Variants in E2F3 observed in about 807,000 individuals in gnomAD.
E2F3 encodes E2F transcription factor 3, also known as transcription factor E2F3.
Under a neutral mutation model 44.4 loss-of-function variants are expected in E2F3, and 11 were observed. The ratio of observed to expected loss-of-function variants is 0.25; its 90% CI spans 0.16 to 0.41. The LOEUF is 0.41. E2F3 is among the 10% of genes least tolerant of loss of function. E2F3 has a pLI of 1.00. For missense variants in E2F3, 487 were observed against 583.6 expected (o/e 0.83, Z 1.70); for synonymous variants, 249 against 253.0 (o/e 0.98, Z 0.15).
intron 1 of E2F3, among the ~76,000 whole-genome samples, chr6:20,461,657 C>T (rs929301492): frequency 2.6e-5 from 4 of 151,902 alleles, no homozygotes; most frequent in Admixed American, 1.3e-4. Flanking sequence ...AAAAAGATGC[C>T]GTATACATTC....
chr6:20,404,785 A>C (rs891345739), intron 1 of E2F3, among the ~76,000 whole-genome samples: 3 of 152,178 alleles, frequency 2.0e-5, no homozygotes, highest in African/African-American at 7.2e-5. Context: ...CTGCTTAGAC[A>C]TAGCAGTATC....
intron 1 of E2F3, among the ~76,000 whole-genome samples, chr6:20,456,063 A>G (rs1247417453): frequency 6.6e-6 from 1 of 152,126 alleles, no homozygotes; most frequent in Non-Finnish European, 1.5e-5. Context: ...CTTACCTGTA[A>G]TCTCATAAGT....
chr6:20,413,877 T>G (rs887892287), intron 1 of E2F3, among the ~76,000 whole-genome samples: 43 of 152,166 alleles, frequency 2.8e-4, no homozygotes, highest in African/African-American at 9.9e-4. Context: ...AAGGGCAGAT[T>G]AAGGGAGAAA....
At chr6:20,407,557 G>T (rs1276084318) in intron 1 of E2F3, among the ~76,000 whole-genome samples, 4 of 152,176 alleles carry the variant, frequency 2.6e-5, no homozygotes, top group African/African-American at 7.2e-5. Flanking sequence ...GACAGACGGG[G>T]TGAAAGCTTT....
rs1232149451 is a variant in E2F3, at chr6:20,449,375, C to T, written c.394-30471C>T. 3.3e-5 allele frequency among the ~76,000 whole-genome samples: 5 copies of T among 152,050 alleles called. No individual in the cohort carries two copies. The East Asian group carries it at 9.7e-4, about 29-fold the overall frequency. On this transcript the variant is annotated intron_variant, in intron 1 of 6. Coordinates refer to ENST00000346618, the MANE Select transcript of E2F3 (RefSeq NM_001949.5). ...TAAATTTTTAAATACTTTTATTTTC[C>T]TTCTTAGAAAAGGTGACAACTAGAT...
rs1759360100 is a variant in E2F3 at position 20,402,998 on chromosome 6, G to A, written c.393+373G>A. Among the ~76,000 whole-genome samples, 2 of 152,064 alleles carry A rather than the reference G, an allele frequency of 1.3e-5. No individual in the cohort carries two copies. Among genetic ancestry groups the A allele is most frequent in the South Asian group, 2.1e-4 (1 of 4,830 alleles). On this transcript the variant is annotated intron_variant, in intron 1 of 6. Transcript: ENST00000346618. This position sits in a 1 kb window ranked among gnomAD's most constrained non-coding sequence, Gnocchi z 5.6. The stretch of plus-strand genomic sequence containing the variant: ...AAGGGGTCACGCCCCGGATGGAGAA[G>A]GGGGTGGGGGAGGGAGTAGTGAACT...
intron 1 of E2F3, among the ~76,000 whole-genome samples, chr6:20,449,246 G>C (rs983990314): frequency 6.6e-6 from 1 of 152,078 alleles, no homozygotes; most frequent in African/African-American, 2.4e-5. Context: ...TGAAAATCTT[G>C]CTGTGCAGCC....
At chr6:20,459,740 C>G (rs1362678873) in intron 1 of E2F3, among the ~76,000 whole-genome samples, 1 of 152,214 alleles carries the variant, frequency 6.6e-6, no homozygotes, top group African/African-American at 2.4e-5. Flanking sequence ...TCCAGGAGTT[C>G]GAGACCAGCC....
At chr6:20,462,176 G>T (rs1761532613) in intron 1 of E2F3, among the ~76,000 whole-genome samples, 1 of 152,046 alleles carries the variant, frequency 6.6e-6, no homozygotes, top group Admixed American at 6.5e-5. Flanking sequence ...TTTTACTGTG[G>T]CCTTTTGTTG....
At position 20,493,034 on chromosome 6, in the gene E2F3, A is replaced by G; in HGVS notation, c.*2604A>G. The G allele has an allele frequency of 4.6e-6, 1 of 215,758 alleles. No individual in the cohort carries two copies. Among genetic ancestry groups the G allele is most frequent in the African/African-American group, 2.2e-5 (1 of 44,476 alleles). 13.4% of individuals were successfully genotyped at this position (215,758 alleles called of 1,614,324 possible). On this transcript the variant is annotated 3_prime_UTR_variant, in exon 7 of 7. Transcript: ENST00000346618. Reference sequence around the variant, plus strand: ...AAGGGCAACACATGAGCTGTCAAACAGTGTTAGGAGTGTGTTTATATGTAC... The same window carrying G: ...AAGGGCAACACATGAGCTGTCAAACGGTGTTAGGAGTGTGTTTATATGTAC...
intron 1 of E2F3, among the ~76,000 whole-genome samples, chr6:20,461,833 A>C (rs991775949): frequency 4.6e-5 from 7 of 152,226 alleles, no homozygotes; most frequent in Admixed American, 1.3e-4. Context: ...GGTTTTCACT[A>C]AATATTGATA....
chr6:20,475,765 T>C (rs948842828), intron 1 of E2F3, among the ~76,000 whole-genome samples: 1 of 152,120 alleles, frequency 6.6e-6, no homozygotes, highest in Non-Finnish European at 1.5e-5. Flanking sequence ...AGTGCTGGGA[T>C]TACAGGCGTG....
In E2F3 at chr6:20,402,101, G is replaced by C; in HGVS notation, c.-132G>C. 7.2e-7 allele frequency: 1 copy of C among 1,388,956 alleles called. No homozygotes were observed. Among genetic ancestry groups the C allele is most frequent in the Non-Finnish European group, 9.4e-7 (1 of 1,069,476 alleles). The allele number at this position is 1,388,956 out of a possible 1,614,324, so 86.0% of individuals were successfully genotyped here. A position where few individuals can be genotyped will look rare whatever the true frequency, so the allele number is the denominator to read the frequency against. ...TGCGGAAAAATAAAAAGAAAAGAGA[G>C]AGAGGGGGCTCGGAAGCGCCGGGCG... On this transcript the variant is annotated 5_prime_UTR_variant, in exon 1 of 7. Coordinates refer to ENST00000346618, the MANE Select transcript of E2F3 (RefSeq NM_001949.5). This position sits in a 1 kb window ranked among gnomAD's most constrained non-coding sequence, Gnocchi z 5.6.
At chr6:20,422,743 T>G (rs1428647964) in intron 1 of E2F3, among the ~76,000 whole-genome samples, 2 of 152,156 alleles carry the variant, frequency 1.3e-5, no homozygotes, top group Non-Finnish European at 2.9e-5. Context: ...AGGTGGAGCA[T>G]TCAGAACACG....
At chr6:20,458,141 C>T (rs1761376435) in intron 1 of E2F3, among the ~76,000 whole-genome samples, 1 of 152,084 alleles carries the variant, frequency 6.6e-6, no homozygotes, top group African/African-American at 2.4e-5. Context: ...TAACTAAGAC[C>T]TTGTTCTGAA....
chr6:20,457,368 T>TTA (rs1554138862), intron 1 of E2F3, among the ~76,000 whole-genome samples: 2 of 148,636 alleles, frequency 1.3e-5, no homozygotes, highest in Non-Finnish European at 3.0e-5. Flanking sequence ...TTTTTTTTTT[T>TTA]AGTAGAGATG....
At chr6:20,460,184 C>T (rs1019819091) in intron 1 of E2F3, among the ~76,000 whole-genome samples, 5 of 152,306 alleles carry the variant, frequency 3.3e-5, no homozygotes, top group Admixed American at 3.3e-4. Context: ...TTTCCCTAGA[C>T]TTTTTTGTTT....
At chr6:20,468,143 G>A (rs1581637437) in intron 1 of E2F3, among the ~76,000 whole-genome samples, 1 of 152,208 alleles carries the variant, frequency 6.6e-6, no homozygotes, top group Non-Finnish European at 1.5e-5. Flanking sequence ...TTCTGCAGCG[G>A]ACACTAGCTG....
chr6:20,488,994 AAAAAGAAAAG>A (rs4134978), intron 6 of E2F3, among the ~76,000 whole-genome samples: 1 of 151,964 alleles, frequency 6.6e-6, no homozygotes, highest in Non-Finnish European at 1.5e-5. Flanking sequence ...TCCATCTCAA[AAAAAGAAAAG>A]AAAAGAAAAG....
Sources: allele counts gnomAD v4.1 joint callset (sites outside exome capture counted in the v4.1 genomes callset), GRCh38; gene constraint gnomAD v4.1.1; non-coding constraint Gnocchi (gnomAD v3.1); transcripts MANE v1.5; gene names NCBI Gene and HGNC (gene_info 2026-07-23, HGNC 2026-07-21).